RANBP6: variants seen among roughly 807,000 people sequenced by gnomAD.
RANBP6 encodes RAN binding protein 6, also known as ran-binding protein 6.
In RANBP6, 10 loss-of-function variants were observed where a neutral mutation model predicts 35.3. The observed-to-expected ratio is 0.28, with a 90% CI of 0.17 to 0.48. The LOEUF is 0.48. Among genes scored for constraint, RANBP6 ranks in the 20% least tolerant of loss-of-function variants. RANBP6 has a pLI of 0.99. For synonymous variants in RANBP6, 514 were observed against 464.2 expected, an observed-to-expected ratio of 1.11 and a Z score of -1.38; for missense variants, 1,392 against 1,307.7, an observed-to-expected ratio of 1.06 and a Z score of -0.99.
Position 6,012,454 on chromosome 9 carries a change from C to G in RANBP6, c.3154G>C (p.Glu1052Gln). ...TTAATAGTCTCATTAATTTTTCCTT[C>G]TGCAATTATACTGATTATTTTGGGA... Reference protein sequence around the residue: ...NLPKIISIIAEGKINETINYE... With the variant: ...NLPKIISIIAQGKINETINYE... The change falls in exon 1 of 1, where the codon GAA becomes CAA. Residue 1052 changes from glutamate to glutamine, a missense_variant. Glu to Gln is a conservative substitution (Grantham distance 29, BLOSUM62 2). Transcript: ENST00000259569. The G allele has an allele frequency of 6.2e-7, 1 of 1,613,538 alleles. No homozygotes were observed. Among genetic ancestry groups the G allele is most frequent in the Non-Finnish European group, 8.5e-7 (1 of 1,179,856 alleles).
In RANBP6 at chr9:6,013,781, G is replaced by C; in HGVS notation, c.1827C>G (p.Thr609=). Residue 609 remains threonine (T), a synonymous_variant, in exon 1 of 1, where the codon ACC becomes ACG. Coordinates refer to ENST00000259569, the MANE Select transcript of RANBP6 (RefSeq NM_012416.4). ...TAGCCCATGCTGAAACCATGTAAGA[G>C]GTCTGAGGGTCATCATCTTCCATAT... is the stretch of plus-strand genomic sequence containing the variant. ...LNNMEDDDPQ[T]SYMVSAWARM... is the part of the protein sequence containing the mutation. 1 of 1,613,812 alleles carries C rather than the reference G, an allele frequency of 6.2e-7. No individual in the cohort carries two copies. Among genetic ancestry groups the C allele is most frequent in the Non-Finnish European group, 8.5e-7 (1 of 1,180,030 alleles).
rs1563988037 is a variant in RANBP6, at chr9:6,012,329, TTCA to T, written c.3276_3278del (p.Asp1092del). 2.5e-6 allele frequency: 4 copies of T among 1,592,196 alleles called. No homozygotes were observed. Among genetic ancestry groups the T allele is most frequent in the Non-Finnish European group, 3.4e-6 (4 of 1,172,040 alleles). On this transcript the variant is annotated inframe_deletion, in exon 1 of 1. Coordinates refer to ENST00000259569, the MANE Select transcript of RANBP6 (RefSeq NM_012416.4). ...GCAACTCCTGTAAGGCTTCCTGCTGTTCATCATCAAGTTGTGATACACATTCCA... is the reference window on the plus strand; with the variant it reads ...GCAACTCCTGTAAGGCTTCCTGCTGTTCATCAAGTTGTGATACACATTCCA...
At position 6,015,127 on chromosome 9, in the gene RANBP6, G is replaced by T. The variant is rs751460407; in HGVS notation, c.481C>A (p.His161Asn). 6.1e-5 allele frequency: 98 copies of T among 1,613,974 alleles called. No homozygotes were observed. The highest frequency in any genetic ancestry group is 1.9e-5 in the Non-Finnish European group (22 of 1,180,034). ...ATCCCAGGAAAGTGCCAGAAAACGT[G>T]AAGTGCAACTTCCCATAGAACCACA... Reference protein sequence around the residue: ...KNVVLWEVALHVFWHFPGIFG... With the variant: ...KNVVLWEVALNVFWHFPGIFG... Residue 161 changes from histidine to asparagine, a missense_variant, in exon 1 of 1, where the codon CAC becomes AAC. Transcript: ENST00000259569.
chr9:6,015,569 C>G lies in RANBP6; in HGVS notation c.39G>C (p.Val13=). ...ATASAGVPAT[V]SEKQEFYQLL... is the part of the protein sequence containing the mutation. ...GCTGGTAAAACTCTTGCTTTTCTGACACGGTCGCCGGCACCCCTGCAGACG... is the reference window on the plus strand; with the variant it reads ...GCTGGTAAAACTCTTGCTTTTCTGAGACGGTCGCCGGCACCCCTGCAGACG... The change falls in exon 1 of 1, where the codon GTG becomes GTC. Residue 13 remains valine, a synonymous_variant. Coordinates refer to ENST00000259569, the MANE Select transcript of RANBP6 (RefSeq NM_012416.4). The G allele has an allele frequency of 1.2e-6, 2 of 1,605,212 alleles. No individual in the cohort carries two copies. The highest frequency in any genetic ancestry group is 1.7e-6 in the Non-Finnish European group (2 of 1,179,268).
chr9:6,013,553 T>G lies in RANBP6; in HGVS notation c.2055A>C (p.Ala685=), dbSNP rs1842515440. The part of the protein sequence containing the change: ...SFGIKTSGLE[A]KATACQMLVY... ...CCAACATTTGGCAAGCAGTTGCTTT[T>G]GCTTCAAGTCCTGAAGTTTTAATTC... The change falls in exon 1 of 1, where the codon GCA becomes GCC. Residue 685 remains alanine, a synonymous_variant. Transcript: ENST00000259569. 3 of 1,614,126 alleles carry G rather than the reference T, an allele frequency of 1.9e-6. No homozygotes were observed. Among genetic ancestry groups the G allele is most frequent in the Non-Finnish European group, 1.7e-6 (2 of 1,180,034 alleles).
Position 6,012,669 on chromosome 9 carries a change from C to T in RANBP6, c.2939G>A (p.Cys980Tyr). The change falls in exon 1 of 1, where the codon TGT (cysteine) becomes TAT (tyrosine). Residue 980 changes from cysteine to tyrosine, a missense_variant. Physicochemically the swap from Cys to Tyr is radical, Grantham distance 194 (BLOSUM62 -2). Transcript: ENST00000259569. ...CAAAATCTTCCCTATTGCTGAGATACAGTTCTCTGTAGCAATGACATTTTT... is the reference window on the plus strand; with the variant it reads ...CAAAATCTTCCCTATTGCTGAGATATAGTTCTCTGTAGCAATGACATTTTT... ...TKKNVIATEN[C>Y]ISAIGKILKF... The T allele has an allele frequency of 6.2e-7, 1 of 1,613,628 alleles. No homozygotes were observed.
chr9:6,012,239 T>G lies in RANBP6; in HGVS notation c.*51A>C. On this transcript the variant is annotated 3_prime_UTR_variant, in exon 1 of 1. Transcript: ENST00000259569. Reference sequence around the variant, plus strand: ...TATAATAAAATCTATTCACAACACTTATTTGTAGTTACTTTTATAATAGAT... The same window carrying G: ...TATAATAAAATCTATTCACAACACTGATTTGTAGTTACTTTTATAATAGAT... The G allele has an allele frequency of 7.8e-7, 1 of 1,288,862 alleles. No homozygotes were observed. The highest frequency in any genetic ancestry group is 1.0e-6 in the Non-Finnish European group (1 of 953,244). The allele number at this position is 1,288,862 out of a possible 1,614,324, so 79.8% of individuals were successfully genotyped here.
In RANBP6 at chr9:6,015,611, G is replaced by A; in HGVS notation, c.-4C>T. On this transcript the variant is annotated 5_prime_UTR_variant, in exon 1 of 1. Coordinates refer to ENST00000259569, the MANE Select transcript of RANBP6 (RefSeq NM_012416.4). ...CTGCAGACGCGGTTGCCGCCATTGC[G>A]CTCTGTCAAAGCTACCGCGACCGGG... The A allele has an allele frequency of 3.1e-6, 5 of 1,588,174 alleles. No individual in the cohort carries two copies. Among genetic ancestry groups the A allele is most frequent in the Non-Finnish European group, 4.3e-6 (5 of 1,173,518 alleles).
In RANBP6 at chr9:6,012,699, G is replaced by A; in HGVS notation, c.2909C>T (p.Thr970Ile). 1 of 1,609,832 alleles carries A rather than the reference G, an allele frequency of 6.2e-7. No individual in the cohort carries two copies. The highest frequency in any genetic ancestry group is 8.5e-7 in the Non-Finnish European group (1 of 1,178,774). The change falls in exon 1 of 1, where the codon ACC becomes ATC. Residue 970 changes from threonine to isoleucine, a missense_variant. Thr to Ile is a moderately conservative substitution (Grantham distance 89, BLOSUM62 -1). Coordinates refer to ENST00000259569, the MANE Select transcript of RANBP6 (RefSeq NM_012416.4). The part of the protein sequence containing the change: ...VKVIKCANSK[T>I]KKNVIATENC... ...CTCTGTAGCAATGACATTTTTTTTG[G>A]TTTTGGAATTTGCACACTTAATAAC...
chr9:6,012,986 T>C lies in RANBP6; in HGVS notation c.2622A>G (p.Pro874=), dbSNP rs375551495. 6 of 1,613,830 alleles carry C rather than the reference T, an allele frequency of 3.7e-6. No homozygotes were observed. In the African/African-American group the frequency reaches 5.3e-5, roughly 14 times the overall value. The stretch of plus-strand genomic sequence containing the variant: ...TTGAACAAATTAGATTTACAATTAA[T>C]GGAAGTAGTTGTTCAAACCATGGTA... ...KILPWFEQLL[P]LIVNLICSSR... is the part of the protein sequence containing the mutation. Residue 874 remains proline, a synonymous_variant, in exon 1 of 1, where the codon CCA becomes CCG. Transcript: ENST00000259569.
Position 6,012,786 on chromosome 9 carries a change from G to A in RANBP6, c.2822C>T (p.Ala941Val). 6.2e-7 allele frequency: 1 copy of A among 1,614,172 alleles called. No homozygotes were observed. The highest frequency in any genetic ancestry group is 8.5e-7 in the Non-Finnish European group (1 of 1,180,020). The stretch of plus-strand genomic sequence containing the variant: ...ACGATAATCATCTCCACCAAACTGT[G>A]CCATGACACCCAGGCCATAAGCAGC... ...QAAAYGLGVM[A>V]QFGGDDYRSL... The change falls in exon 1 of 1, where the codon GCA becomes GTA. Residue 941 changes from alanine to valine, a missense_variant. By Grantham distance (64) the Ala-to-Val change is moderately conservative. Transcript: ENST00000259569.
In RANBP6 at chr9:6,013,658, G is replaced by A. The variant is rs757738159; in HGVS notation, c.1950C>T (p.Leu650=). 8.1e-5 allele frequency: 131 copies of A among 1,614,088 alleles called. 1 individual carries two copies. The South Asian group carries it at 1.4e-3, about 17-fold the overall frequency. The change falls in exon 1 of 1, where the codon CTC becomes CTT. Residue 650 remains leucine, a synonymous_variant. Transcript: ENST00000259569. ...TATTTTCCACATCCTGTGTGTCTAA[G>A]AGAGCAACATCAGGTTTAGCTGAAG... ...KTASAKPDVA[L]LDTQDVENMS...
Position 6,014,489 on chromosome 9 carries a change from C to T in RANBP6, c.1119G>A (p.Gln373=). 6.2e-7 allele frequency: 1 copy of T among 1,614,230 alleles called. No individual in the cohort carries two copies. The highest frequency in any genetic ancestry group is 8.5e-7 in the Non-Finnish European group (1 of 1,180,044). ...ACTTCCAGTCAGGGCTCTGAAGCAT[C>T]TGCATGATATGCTCCTTGGTCATTG... ...VLPMTKEHIM[Q]MLQSPDWKYR... Residue 373 remains glutamine (Q), a synonymous_variant, in exon 1 of 1, where the codon CAG becomes CAA. Coordinates refer to ENST00000259569, the MANE Select transcript of RANBP6 (RefSeq NM_012416.4).
Position 6,012,016 on chromosome 9 carries a change from A to T in RANBP6, c.*274T>A. The T allele has an allele frequency of 3.8e-6, 1 of 260,076 alleles. No homozygotes were observed. The highest frequency in any genetic ancestry group is 7.3e-6 in the Non-Finnish European group (1 of 137,816). The allele number at this position is 260,076 out of a possible 1,614,324, so 16.1% of individuals were successfully genotyped here. A position where few individuals can be genotyped will look rare whatever the true frequency, so the allele number is the denominator to read the frequency against. ...TCAATAATAGTTCAAACAAATAGCA[A>T]CAATTTATATACTTTACATCAACTA... is the stretch of plus-strand genomic sequence containing the variant. On this transcript the variant is annotated 3_prime_UTR_variant, in exon 1 of 1. Transcript: ENST00000259569.
Position 6,015,382 on chromosome 9 carries a change from G to T in RANBP6, c.226C>A (p.Arg76=). Residue 76 remains arginine, a synonymous_variant, in exon 1 of 1, where the codon CGG becomes AGG. Transcript: ENST00000259569. The part of the protein sequence containing the change: ...VRQMAAALLR[R]LLSSGFEEVY... ...TCCTCAAACCCAGAGGACAAAAGCCGTCGTAGCAGTGCGGCAGCCATTTGT... is the reference window on the plus strand; with the variant it reads ...TCCTCAAACCCAGAGGACAAAAGCCTTCGTAGCAGTGCGGCAGCCATTTGT... 6.2e-7 allele frequency: 1 copy of T among 1,614,218 alleles called. No homozygotes were observed. The highest frequency in any genetic ancestry group is 2.2e-5 in the East Asian group (1 of 44,886).
At position 6,012,362 on chromosome 9, in the gene RANBP6, T is replaced by C. The variant is rs1463863107; in HGVS notation, c.3246A>G (p.Leu1082=). ...VVRQVQTSED[L]WLECVSQLDD... ...CAAGTTGTGATACACATTCCAACCA[T>C]AAATCTTCAGAAGTCTGTACCTGAC... is the stretch of plus-strand genomic sequence containing the variant. The change falls in exon 1 of 1, where the codon TTA becomes TTG. Residue 1082 remains leucine, a synonymous_variant. Transcript: ENST00000259569. 2 of 1,611,788 alleles carry C rather than the reference T, an allele frequency of 1.2e-6. No individual in the cohort carries two copies. Among genetic ancestry groups the C allele is most frequent in the East Asian group, 2.2e-5 (1 of 44,882 alleles).
chr9:6,013,107 A>T lies in RANBP6; in HGVS notation c.2501T>A (p.Met834Lys), dbSNP rs1842505208. ...ACATTCATCCTCATCTTGCAGAGAC[A>T]TCTCAACCTGTTGATCATAGTTTTC... is the stretch of plus-strand genomic sequence containing the variant. The part of the protein sequence containing the change: ...QEENYDQQVE[M>K]SLQDEDECDV... Residue 834 changes from methionine to lysine, a missense_variant, in exon 1 of 1, where the codon ATG (methionine) becomes AAG (lysine). Coordinates refer to ENST00000259569, the MANE Select transcript of RANBP6 (RefSeq NM_012416.4). The T allele has an allele frequency of 6.2e-7, 1 of 1,613,986 alleles. No individual in the cohort carries two copies. The highest frequency in any genetic ancestry group is 8.5e-7 in the Non-Finnish European group (1 of 1,180,010).
In RANBP6 at chr9:6,015,444, T is replaced by A; in HGVS notation, c.164A>T (p.Asp55Val). Residue 55 changes from aspartate to valine, a missense_variant, in exon 1 of 1, where the codon GAT becomes GTT. Transcript: ENST00000259569. ...PGLCKTTFLL[D>V]AVRNRRAGYE... ...ACCTGCTCTTCTATTTCTGACGGCA[T>A]CTAAGAGGAAGGTAGTCTTACACAG... 7 of 1,614,206 alleles carry A rather than the reference T, an allele frequency of 4.3e-6. No homozygotes were observed. Among genetic ancestry groups the A allele is most frequent in the Non-Finnish European group, 5.9e-6 (7 of 1,180,040 alleles).
Position 6,014,306 on chromosome 9 carries a change from C to T in RANBP6, c.1302G>A (p.Met434Ile), listed in dbSNP as rs1485881994. The T allele has an allele frequency of 1.2e-6, 2 of 1,614,212 alleles. No individual in the cohort carries two copies. Among genetic ancestry groups the T allele is most frequent in the Non-Finnish European group, 1.7e-6 (2 of 1,180,046 alleles). ...GGAAATTAGGTGCAAAATCTGTAGC[C>T]ATCTGTCCAAGTGTAGTACAGGCTG... ...RAAACTTLGQ[M>I]ATDFAPNFQK... The change falls in exon 1 of 1, where the codon ATG (methionine) becomes ATA (isoleucine). Residue 434 changes from methionine to isoleucine, a missense_variant. Physicochemically the swap from Met to Ile is conservative, Grantham distance 10. Transcript: ENST00000259569.
Sources: gnomAD v4.1 joint callset for allele counts on GRCh38, gnomAD v4.1.1 for gene constraint, MANE v1.5 for transcripts, NCBI Gene and HGNC (gene_info 2026-07-23, HGNC 2026-07-21) for gene names.